Variants in SLC24A2 observed in about 807,000 individuals in gnomAD.
The protein encoded by SLC24A2 is sodium/potassium/calcium exchanger 2.
A neutral mutation model predicts 62.0 loss-of-function variants in SLC24A2; 36 were observed. The ratio of observed to expected loss-of-function variants is 0.58; its 90% confidence interval spans 0.44 to 0.77. SLC24A2 has a LOEUF of 0.77. Among genes scored for constraint, SLC24A2 ranks in the 30% least tolerant of loss-of-function variants. The pLI is 0.00. For missense variants in SLC24A2, 846 were observed against 817.9 expected (o/e 1.03, Z -0.42); for synonymous variants, 358 against 294.0 (o/e 1.22, Z -2.23).
the SLC24A2 span, among the ~76,000 whole-genome samples, chr9:19,941,238 A>G: frequency 3.4e-5 from 4 of 117,120 alleles, no homozygotes; most frequent in African/African-American, 1.2e-4. Context: ...GAGTAGAGAC[A>G]AATAAAAAAA....
At chr9:20,180,318 G>C in the SLC24A2 span, among the ~76,000 whole-genome samples, 1 of 152,010 alleles carries the variant, frequency 6.6e-6, no homozygotes, top group Non-Finnish European at 1.5e-5. Context: ...TCACCATATA[G>C]ATATTGGTTA....
chr9:19,671,291 TTTA>T (rs753781624), intron 2 of SLC24A2, among the ~76,000 whole-genome samples: 1 of 151,914 alleles, frequency 6.6e-6, no homozygotes, highest in South Asian at 2.1e-4. Context: ...TCCTCAGTAT[TTTA>T]TTATTATTAT....
At position 19,515,772 on chromosome 9, in the gene SLC24A2, G is replaced by C. The variant is rs143035017; in HGVS notation, c.*381C>G. 9.2e-4 allele frequency: 280 copies of C among 304,554 alleles called. 1 individual carries two copies. Among genetic ancestry groups the C allele is most frequent in the African/African-American group, 5.8e-3 (270 of 46,350 alleles). The allele number at this position is 304,554 out of a possible 1,614,324, so 18.9% of individuals were successfully genotyped here. On this transcript the variant is annotated 3_prime_UTR_variant, in exon 11 of 11. Transcript: ENST00000341998. ...CTATAGGTATGCAAGGAGAGGTATA[G>C]TACAGGAACAGGCAGGATTTGTGTG...
the SLC24A2 span, among the ~76,000 whole-genome samples, chr9:20,131,506 G>A: frequency 6.6e-6 from 1 of 152,162 alleles, no homozygotes; most frequent in Non-Finnish European, 1.5e-5. Flanking sequence ...GCCCCACACA[G>A]ATTTCCTGTT....
At chr9:19,570,780 G>C (rs1296814996) in intron 7 of SLC24A2, among the ~76,000 whole-genome samples, 2 of 152,184 alleles carry the variant, frequency 1.3e-5, no homozygotes, top group African/African-American at 4.8e-5. Context: ...AGGGAAGCTA[G>C]GTAACTTGAC....
At chr9:19,889,920 A>G in the SLC24A2 span, among the ~76,000 whole-genome samples, 1 of 152,188 alleles carries the variant, frequency 6.6e-6, no homozygotes, top group Non-Finnish European at 1.5e-5. Context: ...ACTATCTCTT[A>G]TCTTCCTTTC....
At chr9:20,153,784 A>G in the SLC24A2 span, among the ~76,000 whole-genome samples, 94 of 152,124 alleles carry the variant, frequency 6.2e-4, no homozygotes, top group African/African-American at 2.3e-3. Flanking sequence ...CAAAACACCA[A>G]AATGTTAACT....
the SLC24A2 span, among the ~76,000 whole-genome samples, chr9:20,048,857 C>A: frequency 6.6e-6 from 1 of 151,654 alleles, no homozygotes; most frequent in African/African-American, 2.4e-5. Flanking sequence ...CCACCCCCAT[C>A]CTATTTTTAA....
intron 2 of SLC24A2, among the ~76,000 whole-genome samples, chr9:19,760,014 T>G (rs1587281705): frequency 6.6e-6 from 1 of 152,340 alleles, no homozygotes; most frequent in East Asian, 1.9e-4. Flanking sequence ...TTTATTTTGT[T>G]GAATGTTGGT....
chr9:19,660,301 C>T (rs1226718446), intron 2 of SLC24A2, among the ~76,000 whole-genome samples: 2 of 152,144 alleles, frequency 1.3e-5, no homozygotes, highest in South Asian at 2.1e-4. Context: ...GGGCGGGAGG[C>T]TCTAAGTGAC....
chr9:20,091,854 A>G, the SLC24A2 span, among the ~76,000 whole-genome samples: 3 of 152,366 alleles, frequency 2.0e-5, no homozygotes, highest in South Asian at 4.1e-4. Flanking sequence ...ATGACCATCA[A>G]TGGCAGATTG....
chr9:20,082,028 A>G, the SLC24A2 span, among the ~76,000 whole-genome samples: 2 of 152,094 alleles, frequency 1.3e-5, no homozygotes, highest in Admixed American at 6.6e-5. Flanking sequence ...AAATATTTTG[A>G]CTTTTGAAAT....
chr9:19,781,045 A>T (rs1248250151), intron 2 of SLC24A2, among the ~76,000 whole-genome samples: 1 of 152,202 alleles, frequency 6.6e-6, no homozygotes, highest in African/African-American at 2.4e-5. Flanking sequence ...ATGTTACAGT[A>T]ATCATAGTAA....
At chr9:20,148,506 T>C in the SLC24A2 span, among the ~76,000 whole-genome samples, 3 of 152,102 alleles carry the variant, frequency 2.0e-5, no homozygotes, top group South Asian at 2.1e-4. Flanking sequence ...TAAAAGAAGA[T>C]GCCTTTCAAG....
At chr9:20,149,636 T>G in the SLC24A2 span, among the ~76,000 whole-genome samples, 2 of 152,118 alleles carry the variant, frequency 1.3e-5, no homozygotes, top group African/African-American at 4.8e-5. Flanking sequence ...AAATATTTTA[T>G]GGACATATAT....
the SLC24A2 span, among the ~76,000 whole-genome samples, chr9:20,277,915 G>T: frequency 6.6e-6 from 1 of 152,246 alleles, no homozygotes; most frequent in South Asian, 2.1e-4. Flanking sequence ...CATAAAAAAG[G>T]ATGAGTTCAT....
chr9:19,709,779 T>C (rs1820658666), intron 2 of SLC24A2, among the ~76,000 whole-genome samples: 1 of 146,304 alleles, frequency 6.8e-6, no homozygotes, highest in Admixed American at 6.8e-5. Flanking sequence ...AGGGATAGCA[T>C]TAGGAGATAT....
the SLC24A2 span, among the ~76,000 whole-genome samples, chr9:19,952,659 T>A: frequency 1.3e-5 from 1 of 75,438 alleles, no homozygotes; most frequent in Non-Finnish European, 3.5e-5. Flanking sequence ...TTGCCAAGCA[T>A]TTTTTTTTTT....
chr9:20,273,621 C>T, the SLC24A2 span, among the ~76,000 whole-genome samples: 80 of 152,282 alleles, frequency 5.3e-4, no homozygotes, highest in Non-Finnish European at 8.7e-4. Flanking sequence ...ACGTGACTTG[C>T]TCCTCCTTGC....
Sources: gnomAD v4.1 joint callset for allele counts (sites outside exome capture counted in the v4.1 genomes callset) on GRCh38, gnomAD v4.1.1 for gene constraint, MANE v1.5 for transcripts, NCBI Gene and HGNC (gene_info 2026-07-23, HGNC 2026-07-21) for gene names.